FLVCR2: variants seen among roughly 807,000 people sequenced by gnomAD.
The protein encoded by FLVCR2 is FLVCR choline and putative heme transporter 2.
In FLVCR2, 38 loss-of-function variants were observed where a neutral mutation model predicts 48.9. That is an observed-to-expected ratio of 0.78 (90% CI 0.60 to 1.02). The LOEUF is 1.02. Ranked by LOEUF, FLVCR2 falls within the 50% of genes least tolerant of loss-of-function variation. FLVCR2 has a pLI of 0.00. For missense variants in FLVCR2, 664 were observed against 663.3 expected, an observed-to-expected ratio of 1.00 and a Z score of -0.01; for synonymous variants, 255 against 257.0, an observed-to-expected ratio of 0.99 and a Z score of 0.07.
chr14:75,612,440 A>C (rs1170436765), intron 1 of FLVCR2, among the ~76,000 whole-genome samples: 1 of 152,160 alleles, frequency 6.6e-6, no homozygotes, highest in Non-Finnish European at 1.5e-5. Context: ...GTTCTTAGAG[A>C]TCTTAGCTTA....
intron 1 of FLVCR2, among the ~76,000 whole-genome samples, chr14:75,604,694 G>A (rs1023570813): frequency 1.3e-5 from 2 of 152,122 alleles, no homozygotes; most frequent in Non-Finnish European, 1.5e-5. Flanking sequence ...TAATACTACC[G>A]GACATTGCCC....
At position 75,647,869 on chromosome 14, in the gene FLVCR2, TTGTGTGTGTCTGCATGTGTG is replaced by T. The variant is rs1049023113; in HGVS notation, c.*1407_*1426del. ...GGCCACTGCCTGAGAGGAGCCAGGT[TTGTGTGTGTCTGCATGTGTG>T]TGTGTGTGTGTTTGTACAGATTCAA... On this transcript the variant is annotated 3_prime_UTR_variant, in exon 10 of 10. Coordinates refer to ENST00000238667, the MANE Select transcript of FLVCR2 (RefSeq NM_017791.3). The T allele has an allele frequency of 2.7e-4, 41 of 152,932 alleles. No individual in the cohort carries two copies. Among genetic ancestry groups the T allele is most frequent in the African/African-American group, 9.6e-4 (40 of 41,534 alleles). The allele number at this position is 152,932 out of a possible 1,614,324, so 9.5% of individuals were successfully genotyped here. A position where few individuals can be genotyped will look rare whatever the true frequency, so the allele number is the denominator to read the frequency against.
At position 75,624,750 on chromosome 14, in the gene FLVCR2, A is replaced by G. The variant is rs1566793098; in HGVS notation, c.950A>G (p.Tyr317Cys). Reference sequence around the variant, plus strand: ...AACTTTGTGCTGCTTGTCATCACCTATGGTAAGGTGTCAATGTGTCTAGGA... The same window carrying G: ...AACTTTGTGCTGCTTGTCATCACCTGTGGTAAGGTGTCAATGTGTCTAGGA... ...NLNFVLLVITYGLNAGAFYAL... is the reference protein window; with the variant it reads ...NLNFVLLVITCGLNAGAFYAL... The change falls in exon 3 of 10, where the codon TAT becomes TGT. Residue 317 changes from tyrosine (Y) to cysteine (C), a missense_variant and splice_region_variant. Coordinates refer to ENST00000238667, the MANE Select transcript of FLVCR2 (RefSeq NM_017791.3). The G allele has an allele frequency of 6.2e-7, 1 of 1,614,118 alleles. No homozygotes were observed. Among genetic ancestry groups the G allele is most frequent in the Non-Finnish European group, 8.5e-7 (1 of 1,180,012 alleles).
At chr14:75,592,012 G>A (rs944241664) in intron 1 of FLVCR2, among the ~76,000 whole-genome samples, 2 of 151,180 alleles carry the variant, frequency 1.3e-5, no homozygotes, top group African/African-American at 2.4e-5. Flanking sequence ...TTTTTGTTTT[G>A]TAGAGATGAG....
chr14:75,631,189 C>G lies in FLVCR2; in HGVS notation c.953-2440C>G, dbSNP rs560139655. On this transcript the variant is annotated intron_variant, in intron 3 of 9. Coordinates refer to ENST00000238667, the MANE Select transcript of FLVCR2 (RefSeq NM_017791.3). ...CAGGATGAACCCCTGCTCTTCCTTC[C>G]CTCTCGCCGCCCTTTAGCCCCGCTT... 2.6e-5 allele frequency among the ~76,000 whole-genome samples: 4 copies of G among 152,304 alleles called. No homozygotes were observed. In the East Asian group the frequency reaches 7.7e-4, roughly 29 times the overall value.
At chr14:75,631,748 G>A (rs914467420) in intron 3 of FLVCR2, 17 of 455,862 alleles carry the variant, frequency 3.7e-5, no homozygotes, top group African/African-American at 2.6e-4. Flanking sequence ...TCCTTCCCAC[G>A]CTCCACCTCA....
intron 3 of FLVCR2, chr14:75,631,679 G>A (rs888068565): frequency 6.8e-6 from 3 of 443,108 alleles, no homozygotes; most frequent in African/African-American, 6.0e-5. Flanking sequence ...CAGGCAAGAG[G>A]CTTAGAGAGG....
In FLVCR2 at chr14:75,624,704, G is replaced by A. The variant is rs763752990; in HGVS notation, c.904G>A (p.Ala302Thr). ...TGATGCCTCATACTTAGGTTCCATCGCCCGGCTCTTCAAAAATCTCAACTT... is the reference window on the plus strand; with the variant it reads ...TGATGCCTCATACTTAGGTTCCATCACCCGGCTCTTCAAAAATCTCAACTT... Reference protein sequence around the residue: ...SPDASYLGSIARLFKNLNFVL... With the variant: ...SPDASYLGSITRLFKNLNFVL... The change falls in exon 3 of 10, where the codon GCC becomes ACC. Residue 302 changes from alanine to threonine, a missense_variant. Transcript: ENST00000238667. The A allele has an allele frequency of 9.3e-6, 15 of 1,613,860 alleles. No homozygotes were observed. The highest frequency in any genetic ancestry group is 4.5e-5 in the East Asian group (2 of 44,890).
intron 3 of FLVCR2, among the ~76,000 whole-genome samples, chr14:75,628,751 T>C (rs1305027769): frequency 6.6e-6 from 1 of 152,230 alleles, no homozygotes; most frequent in Non-Finnish European, 1.5e-5. Flanking sequence ...CATCCATCTG[T>C]GCTGCCCATC....
chr14:75,592,344 G>A (rs1888906149), intron 1 of FLVCR2, among the ~76,000 whole-genome samples: 1 of 152,082 alleles, frequency 6.6e-6, no homozygotes, highest in Non-Finnish European at 1.5e-5. Flanking sequence ...AGCATCCTGA[G>A]GTGGCTCAGG....
chr14:75,588,547 A>G (rs1303445045), intron 1 of FLVCR2, among the ~76,000 whole-genome samples: 1 of 152,226 alleles, frequency 6.6e-6, no homozygotes, highest in Non-Finnish European at 1.5e-5. Flanking sequence ...CACAGACAGC[A>G]TCTTGGCTCA....
chr14:75,632,489 C>A (rs1264626315), intron 3 of FLVCR2: 5 of 609,372 alleles, frequency 8.2e-6, no homozygotes, highest in Non-Finnish European at 1.5e-5. Flanking sequence ...GGAATTGTTA[C>A]AAGTAATAGT....
At chr14:75,642,443 G>A (rs1890325410) in intron 9 of FLVCR2, among the ~76,000 whole-genome samples, 1 of 152,202 alleles carries the variant, frequency 6.6e-6, no homozygotes, top group Admixed American at 6.5e-5. Context: ...GCAGAGGAGA[G>A]GACCAGGAGT....
In FLVCR2 at chr14:75,633,049, C is replaced by T. The variant is rs1010798416; in HGVS notation, c.953-580C>T. On this transcript the variant is annotated intron_variant, in intron 3 of 9. Coordinates refer to ENST00000238667, the MANE Select transcript of FLVCR2 (RefSeq NM_017791.3). The stretch of plus-strand genomic sequence containing the variant: ...CCTTTCACAGCATATTCTAGGTGCT[C>T]CTTTGGTGAATGAATTGGTAAAGTA... 1.5e-5 allele frequency: 10 copies of T among 682,716 alleles called. No individual in the cohort carries two copies. In the African/African-American group the frequency reaches 1.6e-4, roughly 11 times the overall value. The allele number at this position is 682,716 out of a possible 1,614,324, so 42.3% of individuals were successfully genotyped here.
chr14:75,598,167 G>A (rs1889072683), intron 1 of FLVCR2, among the ~76,000 whole-genome samples: 3 of 152,014 alleles, frequency 2.0e-5, no homozygotes, highest in Admixed American at 6.6e-5. Context: ...TTTATGATAC[G>A]TTTGCTGTAA....
chr14:75,614,083 G>A (rs1889541193), intron 1 of FLVCR2, among the ~76,000 whole-genome samples: 1 of 152,226 alleles, frequency 6.6e-6, no homozygotes, highest in African/African-American at 2.4e-5. Flanking sequence ...GGCAAGGACA[G>A]CATCATACTG....
Position 75,646,546 on chromosome 14 carries a change from A to G in FLVCR2, c.*74A>G, listed in dbSNP as rs902722742. 6 of 1,068,102 alleles carry G rather than the reference A, an allele frequency of 5.6e-6. No homozygotes were observed. The African/African-American group carries it at 7.8e-5, about 14-fold the overall frequency. The allele number at this position is 1,068,102 out of a possible 1,614,324, so 66.2% of individuals were successfully genotyped here. ...TCAGCACAGCTCTCACCGCCAGCAC[A>G]AAGGGCTTCGCTAGAGATGTTTTTG... On this transcript the variant is annotated 3_prime_UTR_variant, in exon 10 of 10. Coordinates refer to ENST00000238667, the MANE Select transcript of FLVCR2 (RefSeq NM_017791.3).
chr14:75,583,190 G>A (rs1487888859), intron 1 of FLVCR2, among the ~76,000 whole-genome samples: 1 of 152,182 alleles, frequency 6.6e-6, no homozygotes, highest in Non-Finnish European at 1.5e-5. Flanking sequence ...GGGTTGTGGA[G>A]GGAGGCATTG....
rs778286255 is a variant in FLVCR2, at chr14:75,622,142, G to C, written c.733G>C (p.Glu245Gln). 6.2e-7 allele frequency: 1 copy of C among 1,613,862 alleles called. No individual in the cohort carries two copies. The highest frequency in any genetic ancestry group is 8.5e-7 in the Non-Finnish European group (1 of 1,179,908). Residue 245 changes from glutamate to glutamine, a missense_variant, in exon 2 of 10, where the codon GAG (glutamate) becomes CAG (glutamine). Glu to Gln is a conservative substitution (Grantham distance 29). Transcript: ENST00000238667. ...VLVPNIEDRDELAYHISIMFY... is the reference protein window; with the variant it reads ...VLVPNIEDRDQLAYHISIMFY... ...GGTACCCAACATTGAAGACCGGGAC[G>C]AGCTTGCCTACCACATCAGCATCAT... is the stretch of plus-strand genomic sequence containing the variant.
Sources: allele counts gnomAD v4.1 joint callset (sites outside exome capture counted in the v4.1 genomes callset), GRCh38; gene constraint gnomAD v4.1.1; transcripts MANE v1.5; gene names NCBI Gene and HGNC (gene_info 2026-07-23, HGNC 2026-07-21).